Variants in HERC2 observed in about 807,000 individuals in gnomAD.
HERC2 encodes the protein E3 ubiquitin-protein ligase HERC2.
A neutral mutation model predicts 537.7 loss-of-function variants in HERC2; 102 were observed. That is an observed-to-expected ratio of 0.19 (90% confidence interval 0.16 to 0.22). The LOEUF (loss-of-function observed/expected upper bound fraction) is 0.22. Among genes scored for constraint, HERC2 ranks in the 10% least tolerant of loss-of-function variants. HERC2 has a pLI of 1.00. For synonymous variants in HERC2, 2,224 were observed against 2,466.2 expected (o/e 0.90, Z 2.91); for missense variants, 4,236 against 6,198.2 (o/e 0.68, Z 10.63).
rs1895297218 is a variant in HERC2 at position 28,176,404 on chromosome 15, G to A, written c.9686+24C>T. On this transcript the variant is annotated intron_variant, in intron 63 of 92. Coordinates refer to ENST00000261609, the MANE Select transcript of HERC2 (RefSeq NM_004667.6). The surrounding 1 kb of genome is among the most constrained non-coding windows in gnomAD (Gnocchi z 5.0). The stretch of plus-strand genomic sequence containing the variant: ...ACACACCTGCACAAGCACACACAGT[G>A]TGACAGGGAGGACGTTTACGTACCA... The A allele has an allele frequency of 6.2e-7, 1 of 1,612,480 alleles. No individual in the cohort carries two copies. Among genetic ancestry groups the A allele is most frequent in the Non-Finnish European group, 8.5e-7 (1 of 1,178,880 alleles).
intron 2 of HERC2, among the ~76,000 whole-genome samples, chr15:28,317,991 G>A (rs1326362718): frequency 2.0e-5 from 3 of 152,134 alleles, no homozygotes; most frequent in African/African-American, 4.8e-5. Context: ...GAAACTGTAG[G>A]AAATTCATCT....
At chr15:28,318,208 A>G (rs1421838965) in intron 2 of HERC2, among the ~76,000 whole-genome samples, 3 of 152,292 alleles carry the variant, frequency 2.0e-5, no homozygotes, top group Admixed American at 1.3e-4. Context: ...ATCAGATTAC[A>G]AGTACTTTCA....
chr15:28,209,646 A>G (rs1167238334), intron 44 of HERC2, among the ~76,000 whole-genome samples: 1 of 152,116 alleles, frequency 6.6e-6, no homozygotes, highest in Non-Finnish European at 1.5e-5. Flanking sequence ...CCAGGCCTAT[A>G]TATCATTTAT....
chr15:28,132,548 T>C (rs1334769756), intron 80 of HERC2, 105 bp downstream of exon 80: 3 of 1,154,222 alleles, frequency 2.6e-6, no homozygotes, highest in South Asian at 5.2e-5. Context: ...GTGGGCCTTC[T>C]AGAAGCCAAA....
chr15:28,269,736 C>A (rs2075666772), intron 10 of HERC2, among the ~76,000 whole-genome samples: 1 of 152,218 alleles, frequency 6.6e-6, no homozygotes, highest in African/African-American at 2.4e-5. Context: ...ATCAGGGTCA[C>A]CATTTTGTGC....
chr15:28,188,862 C>T (rs1896569435), intron 55 of HERC2, among the ~76,000 whole-genome samples: 2 of 152,058 alleles, frequency 1.3e-5, no homozygotes, highest in Non-Finnish European at 2.9e-5. Context: ...CCAAGGTGGG[C>T]AGATCACCTG....
intron 69 of HERC2, among the ~76,000 whole-genome samples, chr15:28,155,128 G>T (rs1892862094): frequency 6.6e-6 from 1 of 151,968 alleles, no homozygotes; most frequent in African/African-American, 2.4e-5. Context: ...GTATTCCATG[G>T]TGTATATATG....
chr15:28,193,641 T>C (rs908709684), intron 52 of HERC2, among the ~76,000 whole-genome samples: 6 of 151,644 alleles, frequency 4.0e-5, no homozygotes, highest in African/African-American at 1.5e-4. Flanking sequence ...AAGATAAACA[T>C]CTCCATGCAC....
chr15:28,242,465 A>G (rs1903227844), intron 23 of HERC2, among the ~76,000 whole-genome samples: 1 of 152,212 alleles, frequency 6.6e-6, no homozygotes, highest in Non-Finnish European at 1.5e-5. Flanking sequence ...TCTCTGGTGG[A>G]TAGATGGAAA....
chr15:28,214,844 C>G, intron 39 of HERC2, 42 bp from the exon 40 acceptor site: 1 of 1,495,422 alleles, frequency 6.7e-7, no homozygotes, highest in Non-Finnish European at 9.2e-7. Flanking sequence ...TAAAAAAAAT[C>G]TGATGAGGAA....
intron 3 of HERC2, chr15:28,298,765 C>G (rs1219208298): frequency 6.6e-6 from 1 of 152,088 alleles, no homozygotes; most frequent in Non-Finnish European, 1.5e-5. Context: ...CACTGTACTC[C>G]AGCCTCAGCA....
rs962418064 is a variant in HERC2, at chr15:28,274,288, C to T, written c.800+3G>A. On this transcript the variant is annotated splice_donor_region_variant and intron_variant, in intron 7 of 92. Coordinates refer to ENST00000261609, the MANE Select transcript of HERC2 (RefSeq NM_004667.6). The stretch of plus-strand genomic sequence containing the variant: ...GCAGAAGGCAAGAAAGGAAAGAACT[C>T]ACCCCGTCACGACGGACCTGAGGAA... 6.2e-7 allele frequency: 1 copy of T among 1,614,078 alleles called. No individual in the cohort carries two copies. Among genetic ancestry groups the T allele is most frequent in the Non-Finnish European group, 8.5e-7 (1 of 1,179,966 alleles).
At chr15:28,284,213 A>T (rs2076095615) in intron 4 of HERC2, among the ~76,000 whole-genome samples, 1 of 152,136 alleles carries the variant, frequency 6.6e-6, no homozygotes. Flanking sequence ...TATGTAACAT[A>T]TTACCTAGAA....
intron 23 of HERC2, among the ~76,000 whole-genome samples, chr15:28,245,566 TAC>T (rs200862998): frequency 0.098 from 11,626 of 119,070 alleles, 852 homozygotes; most frequent in East Asian, 0.22. Context: ...AAAAAATATA[TAC>T]ACACACACAC....
rs201866535 is a variant in HERC2, at chr15:28,213,921, G to A, written c.6607C>T (p.Leu2203Phe). ...PDSENPEVGG[L>F]MAVLAVIGGI... is the part of the protein sequence containing the mutation. ...CCAATCACAGCCAGGACTGCCATGA[G>A]GCCCCCCACTTCAGGGTTCTCGGAG... Residue 2203 changes from leucine to phenylalanine, a missense_variant, in exon 42 of 93, where the codon CTC becomes TTC. Around this residue, in one of 27 missense-constraint regions of HERC2, gnomAD observed 365 missense variants for 468.8 expected, o/e 0.78. Coordinates refer to ENST00000261609, the MANE Select transcript of HERC2 (RefSeq NM_004667.6). The A allele has an allele frequency of 1.1e-5, 17 of 1,614,106 alleles. No individual in the cohort carries two copies. In the Admixed American group the frequency reaches 1.8e-4, roughly 17 times the overall value.
Position 28,276,390 on chromosome 15 carries a change from A to T in HERC2, c.543-1385T>A, listed in dbSNP as rs996762214. Reference sequence around the variant, plus strand: ...CTGAGAAGGGCACTGGGTACCTGGAAGATGGAAATCTTTGCTCCTAAATGA... The same window carrying T: ...CTGAGAAGGGCACTGGGTACCTGGATGATGGAAATCTTTGCTCCTAAATGA... On this transcript the variant is annotated intron_variant, in intron 5 of 92. Transcript: ENST00000261609. Among the ~76,000 whole-genome samples, 5 of 152,118 alleles carry T rather than the reference A, an allele frequency of 3.3e-5. No homozygotes were observed. In the East Asian group the frequency reaches 9.6e-4, roughly 29 times the overall value.
intron 70 of HERC2, among the ~76,000 whole-genome samples, chr15:28,151,628 G>A (rs1316747298): frequency 2.6e-5 from 4 of 152,060 alleles, no homozygotes; most frequent in African/African-American, 9.7e-5. Context: ...GGACGCTACT[G>A]AAGACTACCA....
intron 4 of HERC2, among the ~76,000 whole-genome samples, chr15:28,287,575 A>G (rs1014262864): frequency 6.6e-6 from 1 of 152,154 alleles, no homozygotes; most frequent in Non-Finnish European, 1.5e-5. Flanking sequence ...AAATCACAAC[A>G]AATCTTTATC....
At chr15:28,130,140 T>C in intron 83 of HERC2, 23 bp downstream of exon 83, 1 of 1,613,244 alleles carries the variant, frequency 6.2e-7, no homozygotes, top group South Asian at 1.1e-5. Flanking sequence ...GCCTCAGTCC[T>C]GCGGCACTGA....
Sources: allele counts gnomAD v4.1 joint callset (sites outside exome capture counted in the v4.1 genomes callset), GRCh38; gene constraint gnomAD v4.1.1; regional missense constraint gnomAD v4.1.1; non-coding constraint Gnocchi (gnomAD v3.1); transcripts MANE v1.5; gene names NCBI Gene and HGNC (gene_info 2026-07-23, HGNC 2026-07-21).